Variants in SOX5 observed in about 807,000 individuals in gnomAD.
The protein encoded by SOX5 is transcription factor SOX-5.
A neutral mutation model predicts 92.0 loss-of-function variants in SOX5; 9 were observed. The ratio of observed to expected loss-of-function variants is 0.10; its 90% CI spans 0.06 to 0.17. SOX5 has a LOEUF of 0.17. Ranked by LOEUF, SOX5 falls within the 10% of genes least tolerant of loss-of-function variation. The pLI is 1.00. For missense variants in SOX5, 642 were observed against 944.5 expected, an observed-to-expected ratio of 0.68 and a Z score of 4.20; for synonymous variants, 344 against 336.3, an observed-to-expected ratio of 1.02 and a Z score of -0.25.
At chr12:24,041,133 A>G (rs1433607752) in intron 4 of SOX5, among the ~76,000 whole-genome samples, 2 of 152,222 alleles carry the variant, frequency 1.3e-5, no homozygotes, top group African/African-American at 2.4e-5. Context: ...CTGCAAATGG[A>G]TAAGAGATAT....
rs549675274 is a variant in SOX5 at position 23,945,467 on chromosome 12, T to C, written c.38+4097A>G. Among the ~76,000 whole-genome samples the C allele has an allele frequency of 1.6e-3, 240 of 152,266 alleles. 2 individuals are homozygous for C. The highest frequency in any genetic ancestry group is 5.3e-3 in the African/African-American group (221 of 41,554). On this transcript the variant is annotated intron_variant, in intron 1 of 14. Transcript: ENST00000451604. ...ACCCTTAATTGTTCCTGGTAATCAGTCAGGTCTCCTGCCAAGTCTTCAGGA... is the reference window on the plus strand; with the variant it reads ...ACCCTTAATTGTTCCTGGTAATCAGCCAGGTCTCCTGCCAAGTCTTCAGGA...
At chr12:23,741,971 C>G (rs2093812726) in intron 4 of SOX5, among the ~76,000 whole-genome samples, 1 of 152,098 alleles carries the variant, frequency 6.6e-6, no homozygotes, top group South Asian at 2.1e-4. Context: ...TTTAATTGTT[C>G]TTTTAGAACT....
At chr12:24,199,949 A>T (rs1472962511) in intron 4 of SOX5, among the ~76,000 whole-genome samples, 4 of 152,188 alleles carry the variant, frequency 2.6e-5, no homozygotes, top group Non-Finnish European at 5.9e-5. Context: ...AGAAAAAAAA[A>T]ATCAGTAGAA....
At chr12:24,457,374 C>A (rs1943136565) in intron 1 of SOX5, among the ~76,000 whole-genome samples, 1 of 152,148 alleles carries the variant, frequency 6.6e-6, no homozygotes, top group Non-Finnish European at 1.5e-5. Context: ...GTAGGCCAGT[C>A]AACAGGAGCC....
intron 1 of SOX5, among the ~76,000 whole-genome samples, chr12:23,931,517 T>C (rs1185627937): frequency 1.3e-5 from 2 of 151,704 alleles, no homozygotes; most frequent in Non-Finnish European, 3.0e-5. Flanking sequence ...TATAAAGTAG[T>C]TAGAACACAG....
intron 4 of SOX5, among the ~76,000 whole-genome samples, chr12:24,167,833 G>A (rs1348285672): frequency 6.6e-6 from 1 of 152,086 alleles, no homozygotes; most frequent in Non-Finnish European, 1.5e-5. Context: ...CGTCCTATAA[G>A]AGTCTAATTA....
chr12:23,618,615 A>G (rs1400805412), intron 8 of SOX5, among the ~76,000 whole-genome samples: 3 of 152,208 alleles, frequency 2.0e-5, no homozygotes, highest in African/African-American at 7.2e-5. Flanking sequence ...ACGATATGTT[A>G]ATCATTTTGC....
intron 3 of SOX5, among the ~76,000 whole-genome samples, chr12:23,774,052 C>T (rs555837736): frequency 6.6e-6 from 1 of 152,080 alleles, no homozygotes; most frequent in Non-Finnish European, 1.5e-5. Context: ...TGCCCACTCG[C>T]CTTACAGAGA....
chr12:24,231,256 G>C (rs1169714667), intron 3 of SOX5, among the ~76,000 whole-genome samples: 1 of 152,020 alleles, frequency 6.6e-6, no homozygotes, highest in Non-Finnish European at 1.5e-5. Flanking sequence ...CAGTAACAAG[G>C]CTCTCTTTCC....
At chr12:24,206,147 T>C (rs1957997903) in intron 4 of SOX5, among the ~76,000 whole-genome samples, 1 of 152,238 alleles carries the variant, frequency 6.6e-6, no homozygotes, top group Non-Finnish European at 1.5e-5. Flanking sequence ...GACAATATCA[T>C]ATTATTTAGA....
intron 3 of SOX5, among the ~76,000 whole-genome samples, chr12:24,262,173 G>C (rs1025981260): frequency 6.6e-6 from 1 of 152,096 alleles, no homozygotes; most frequent in African/African-American, 2.4e-5. Flanking sequence ...ACAAACTGTA[G>C]GTTGCAATGA....
intron 6 of SOX5, among the ~76,000 whole-genome samples, chr12:23,732,945 C>A (rs1345737575): frequency 6.6e-6 from 1 of 152,098 alleles, no homozygotes; most frequent in Non-Finnish European, 1.5e-5. Context: ...AATTACAGTG[C>A]TTCATGCTCT....
intron 6 of SOX5, among the ~76,000 whole-genome samples, chr12:23,692,198 CG>C (rs1264778853): frequency 3.3e-5 from 5 of 151,754 alleles, no homozygotes; most frequent in African/African-American, 1.2e-4. Context: ...CTTGGGAGGC[CG>C]AGACAGGCGG....
In SOX5 at chr12:24,157,705, G is replaced by A. The variant is rs756838729; in HGVS notation, c.-2+55638C>T. ...CTTATAGGCAGTGCCTTCACATTTT[G>A]TAGATAAATAAATTAGTCAGCTAAG... On this transcript the variant is annotated intron_variant, in intron 4 of 4. Transcript: ENST00000446891. Among the ~76,000 whole-genome samples the A allele has an allele frequency of 4.1e-4, 62 of 152,196 alleles. 1 individual carries two copies. The highest frequency in any genetic ancestry group is 5.9e-5 in the Non-Finnish European group (4 of 67,956).
At chr12:24,097,823 C>T (rs1306158853) in intron 4 of SOX5, among the ~76,000 whole-genome samples, 1 of 152,098 alleles carries the variant, frequency 6.6e-6, no homozygotes, top group African/African-American at 2.4e-5. Flanking sequence ...GAAGTTTTAT[C>T]CTACAGTATC....
At chr12:24,171,452 T>C in intron 4 of SOX5, among the ~76,000 whole-genome samples, 1 of 152,028 alleles carries the variant, frequency 6.6e-6, no homozygotes, top group Middle Eastern at 3.2e-3. Flanking sequence ...CTCGATCTCC[T>C]GACTTCGTGA....
intron 4 of SOX5, among the ~76,000 whole-genome samples, chr12:24,147,984 T>C (rs1437131478): frequency 6.6e-6 from 1 of 152,190 alleles, no homozygotes; most frequent in African/African-American, 2.4e-5. Context: ...AATCATTCCA[T>C]AGATTATGAA....
chr12:24,180,787 T>C (rs1955408847), intron 4 of SOX5, among the ~76,000 whole-genome samples: 2 of 152,228 alleles, frequency 1.3e-5, no homozygotes, highest in Admixed American at 1.3e-4. Context: ...TTTCACATCA[T>C]ACATGCATTT....
chr12:23,793,326 C>A (rs977691602), intron 3 of SOX5, among the ~76,000 whole-genome samples: 9 of 152,030 alleles, frequency 5.9e-5, no homozygotes, highest in South Asian at 2.1e-4. Context: ...TCTGCTAGGC[C>A]TTTAGGGTGA....
Sources: allele counts gnomAD v4.1 joint callset (sites outside exome capture counted in the v4.1 genomes callset), GRCh38; gene constraint gnomAD v4.1.1; transcripts MANE v1.5; gene names NCBI Gene and HGNC (gene_info 2026-07-23, HGNC 2026-07-21).